The following MALAT1 variants were observed in gnomAD, a reference collection of about 807,000 sequenced individuals.
MALAT1 encodes metastasis associated lung adenocarcinoma transcript 1, also known as hepcarcin.
chr11:65,502,487 G>T (rs979505052), exon 3 of MALAT1: 2 of 486,070 alleles, frequency 4.1e-6, no homozygotes, highest in Non-Finnish European at 4.0e-6. Context: ...AGATGTTAAG[G>T]TATGCTTCAA....
At chr11:65,504,858 A>G (rs776507152) in intron 3 of MALAT1, 1 of 518,970 alleles carries the variant, frequency 1.9e-6, no homozygotes, top group Non-Finnish European at 3.8e-6. Context: ...GGGCCAGAGA[A>G]GCCAGACCCA....
chr11:65,500,322 A>G (rs759773704), exon 3 of MALAT1: 1 of 518,538 alleles, frequency 1.9e-6, no homozygotes, highest in Non-Finnish European at 3.8e-6. Context: ...TTACCAACTT[A>G]ATGTTTTTGC....
intron 1 of MALAT1, chr11:65,498,066 G>A (rs148907667): frequency 3.5e-4 from 180 of 518,936 alleles, no homozygotes; most frequent in African/African-American, 3.2e-3. Context: ...CGGTTCAGAA[G>A]GTCTGAAGCT....
intron 3 of MALAT1, chr11:65,504,179 T>TGA: frequency 1.9e-6 from 1 of 517,538 alleles, no homozygotes; most frequent in South Asian, 1.4e-5. Flanking sequence ...GAATTGCATA[T>TGA]GAGTGCTTGG....
exon 3 of MALAT1, chr11:65,501,209 G>C (rs1004494389): frequency 2.1e-6 from 1 of 485,606 alleles, no homozygotes; most frequent in Non-Finnish European, 4.1e-6. Flanking sequence ...ACTGAGGCGG[G>C]GGGGAGTTTT....
chr11:65,499,099 A>C (rs1590699778), exon 3 of MALAT1: 1 of 518,274 alleles, frequency 1.9e-6, no homozygotes, highest in African/African-American at 1.9e-5. Flanking sequence ...GCGGAGCTTG[A>C]GGAAACCGCA....
chr11:65,501,192 A>G (rs1354035578), exon 3 of MALAT1: 2 of 462,958 alleles, frequency 4.3e-6, no homozygotes, highest in African/African-American at 2.5e-5. Flanking sequence ...TAGAGTTTGG[A>G]TGTGTAACTG....
At chr11:65,506,284 T>C (rs543735217) in exon 4 of MALAT1, 10 of 457,436 alleles carry the variant, frequency 2.2e-5, no homozygotes, top group African/African-American at 2.1e-4. Flanking sequence ...CACAATATCT[T>C]TGAACTATAT....
intron 2 of MALAT1, chr11:65,498,920 C>G (rs375202796): frequency 9.6e-6 from 5 of 518,700 alleles, no homozygotes; most frequent in Non-Finnish European, 1.9e-5. Context: ...AAAAGTAAAA[C>G]TAGAACCTAT....
rs544122462 is a variant in MALAT1, at chr11:65,499,872, T to G, written n.1135T>G. On this transcript the variant is annotated non_coding_transcript_exon_variant, in exon 3 of 4. Transcript: ENST00000619449. ...TGGAAGATAGAAACAAGATAGAAAA[T>G]GAAAATATTGTCAAGAGTTTCAGAT... The G allele has an allele frequency of 4.8e-4, 204 of 426,752 alleles. 1 individual carries two copies. Among genetic ancestry groups the G allele is most frequent in the Non-Finnish European group, 7.3e-5 (16 of 219,852 alleles). The allele number at this position is 426,752 out of a possible 1,614,324, so 26.4% of individuals were successfully genotyped here.
At chr11:65,503,136 C>A (rs1173655923) in exon 3 of MALAT1, 23 of 508,382 alleles carry the variant, frequency 4.5e-5, no homozygotes, top group South Asian at 3.0e-4. Flanking sequence ...TCTTCGTTAT[C>A]AGAAGAGTTG....
chr11:65,502,697 C>A (rs1478140276), exon 3 of MALAT1: 1 of 506,352 alleles, frequency 2.0e-6, no homozygotes, highest in East Asian at 5.5e-5. Context: ...GGCCTAGATG[C>A]AGAGAAAACA....
At chr11:65,501,979 TAAAG>T (rs1420142788) in exon 3 of MALAT1, 1 of 512,752 alleles carries the variant, frequency 2.0e-6, no homozygotes, top group African/African-American at 1.9e-5. Context: ...ATGGAAAAAG[TAAAG>T]AAATATCAAC....
chr11:65,505,415 T>TTA (rs1359433621), intron 3 of MALAT1: 1 of 514,692 alleles, frequency 1.9e-6, no homozygotes, highest in Non-Finnish European at 3.9e-6. Context: ...CAAGCTGTTT[T>TTA]TATAGCAGCT....
chr11:65,501,929 A>G (rs770318052), exon 3 of MALAT1: 6 of 517,680 alleles, frequency 1.2e-5, no homozygotes, highest in African/African-American at 5.8e-5. Flanking sequence ...TTAGTTTATG[A>G]TTGCAGATAA....
At chr11:65,498,569 G>C (rs756767384) in intron 1 of MALAT1, 1 of 518,656 alleles carries the variant, frequency 1.9e-6, no homozygotes, top group African/African-American at 1.9e-5. Context: ...CAAGCAGTTG[G>C]GGGAGAAAGT....
At chr11:65,503,398 CAG>C (rs757173441) in exon 3 of MALAT1, 7 of 516,786 alleles carry the variant, frequency 1.4e-5, no homozygotes, top group African/African-American at 5.8e-5. Flanking sequence ...ACACTTCACT[CAG>C]AGGCATTTGC....
chr11:65,497,766 A>C (rs1416958023), exon 1 of MALAT1: 3 of 447,816 alleles, frequency 6.7e-6, no homozygotes, highest in South Asian at 4.8e-5. Context: ...ACTTCTGTAA[A>C]GGACTGGGGC....
intron 2 of MALAT1, chr11:65,498,938 C>G: frequency 1.9e-6 from 1 of 518,698 alleles, no homozygotes; most frequent in South Asian, 1.4e-5. Context: ...TATTTTTAAC[C>G]GAAGAACTAC....
Sources: allele counts gnomAD v4.1 joint callset, GRCh38; gene constraint gnomAD v4.1.1; transcripts MANE v1.5; gene names NCBI Gene and HGNC (gene_info 2026-07-23, HGNC 2026-07-21).